HS3ST2: variants seen among roughly 807,000 people sequenced by gnomAD.
HS3ST2 encodes heparan sulfate glucosamine 3-O-sulfotransferase 2.
Under a neutral mutation model 26.3 loss-of-function variants are expected in HS3ST2, and 17 were observed. The observed-to-expected ratio is 0.65, with a 90% CI of 0.44 to 0.97. The LOEUF (loss-of-function observed/expected upper bound fraction) is 0.97, where lower values mean the gene tolerates loss of function less well. Among genes scored for constraint, HS3ST2 ranks in the 50% least tolerant of loss-of-function variants. HS3ST2 has a pLI of 0.00. For synonymous variants in HS3ST2, 237 were observed against 219.2 expected, an observed-to-expected ratio of 1.08 and a Z score of -0.72; for missense variants, 402 against 501.2, an observed-to-expected ratio of 0.80 and a Z score of 1.89.
In HS3ST2 at chr16:22,814,769, T is replaced by C; in HGVS notation, c.159T>C (p.Pro53=). Residue 53 remains proline, a synonymous_variant, in exon 1 of 2, where the codon CCT becomes CCC. Transcript: ENST00000261374. ...DLGRSRLLGA[P]RCLRGPSAGG... The stretch of plus-strand genomic sequence containing the variant: ...GTCGGAGCCGCCTCCTCGGCGCGCC[T>C]CGCTGCCTCCGCGGCCCCAGCGCGG... The C allele has an allele frequency of 6.2e-7, 1 of 1,604,598 alleles. No homozygotes were observed. Among genetic ancestry groups the C allele is most frequent in the South Asian group, 1.1e-5 (1 of 89,776 alleles).
chr16:22,840,508 C>T (rs1901336596), intron 1 of HS3ST2, among the ~76,000 whole-genome samples: 1 of 151,940 alleles, frequency 6.6e-6, no homozygotes, highest in African/African-American at 2.4e-5. Context: ...TCAGCCTCCC[C>T]AGTAGTTGGG....
At chr16:22,884,242 C>A (rs1902030183) in intron 1 of HS3ST2, among the ~76,000 whole-genome samples, 1 of 152,034 alleles carries the variant, frequency 6.6e-6, no homozygotes, top group African/African-American at 2.4e-5. Context: ...CTCATTGAAT[C>A]CTTGTGACAA....
At chr16:22,852,237 C>G (rs908312265) in intron 1 of HS3ST2, among the ~76,000 whole-genome samples, 1 of 152,138 alleles carries the variant, frequency 6.6e-6, no homozygotes, top group African/African-American at 2.4e-5. Flanking sequence ...TGCTGAGGTT[C>G]AGAAACCCTG....
chr16:22,881,985 T>G (rs1901995403), intron 1 of HS3ST2, among the ~76,000 whole-genome samples: 1 of 152,264 alleles, frequency 6.6e-6, no homozygotes, highest in Non-Finnish European at 1.5e-5. Flanking sequence ...TAGCTGTTGA[T>G]GTTGTTTAAA....
chr16:22,827,851 G>A (rs564653632), intron 1 of HS3ST2, among the ~76,000 whole-genome samples: 2 of 151,122 alleles, frequency 1.3e-5, no homozygotes, highest in East Asian at 3.9e-4. Flanking sequence ...ATGAAACTAC[G>A]GGCATGAGGC....
intron 1 of HS3ST2, among the ~76,000 whole-genome samples, chr16:22,873,081 T>C (rs1276194248): frequency 6.6e-6 from 1 of 152,226 alleles, no homozygotes; most frequent in African/African-American, 2.4e-5. Context: ...AGTTGAGGAT[T>C]AAATTATTCA....
intron 1 of HS3ST2, among the ~76,000 whole-genome samples, chr16:22,847,909 A>AGAAGGAAGGAAGAAAAG (rs1901464402): frequency 1.3e-5 from 2 of 151,770 alleles, no homozygotes; most frequent in Non-Finnish European, 2.9e-5. Context: ...AGACAAAGCA[A>AGAAGGAAGGAAGAAAAG]GAAGGAAGGA....
Position 22,916,105 on chromosome 16 carries a change from G to A in HS3ST2, c.*543G>A. On this transcript the variant is annotated 3_prime_UTR_variant, in exon 2 of 2. Transcript: ENST00000261374. ...GCTGAAAGCACCTCCGGCCACTCCT[G>A]GGAGACAGACCCTTTGGTGATGAAA... 6.5e-6 allele frequency: 1 copy of A among 154,660 alleles called. No homozygotes were observed. Among genetic ancestry groups the A allele is most frequent in the South Asian group, 2.0e-4 (1 of 4,916 alleles). 9.6% of individuals were successfully genotyped at this position (154,660 alleles called of 1,614,324 possible).
chr16:22,908,657 C>T (rs1029417450), intron 1 of HS3ST2, among the ~76,000 whole-genome samples: 56 of 152,202 alleles, frequency 3.7e-4, no homozygotes, highest in African/African-American at 1.3e-3. Context: ...CTTATAAAGA[C>T]ACCACTTCCA....
chr16:22,862,570 C>A (rs1901695179), intron 1 of HS3ST2, among the ~76,000 whole-genome samples: 1 of 152,200 alleles, frequency 6.6e-6, no homozygotes, highest in African/African-American at 2.4e-5. Context: ...TGTGTGGGTT[C>A]TGTAGCTTCT....
intron 1 of HS3ST2, among the ~76,000 whole-genome samples, chr16:22,864,398 C>A (rs1901719616): frequency 6.6e-6 from 1 of 152,176 alleles, no homozygotes; most frequent in East Asian, 1.9e-4. Context: ...ACCTGGGAAC[C>A]AAGATGATAA....
chr16:22,847,258 G>A (rs190359030), intron 1 of HS3ST2, among the ~76,000 whole-genome samples: 209 of 152,116 alleles, frequency 1.4e-3, no homozygotes, highest in Middle Eastern at 6.8e-3. Context: ...TCCTGCATTC[G>A]TTTGCTAAGA....
At chr16:22,873,654 A>G (rs550609690) in intron 1 of HS3ST2, among the ~76,000 whole-genome samples, 2 of 152,338 alleles carry the variant, frequency 1.3e-5, no homozygotes, top group South Asian at 4.1e-4. Context: ...AACAAAATCC[A>G]TGTGTTTCAG....
At chr16:22,861,034 T>A (rs1247270136) in intron 1 of HS3ST2, among the ~76,000 whole-genome samples, 2 of 151,824 alleles carry the variant, frequency 1.3e-5, no homozygotes, top group African/African-American at 4.8e-5. Context: ...CCACCACACC[T>A]ATATAATTTT....
intron 1 of HS3ST2, among the ~76,000 whole-genome samples, chr16:22,907,659 T>A (rs543492024): frequency 6.6e-6 from 1 of 152,368 alleles, no homozygotes; most frequent in Non-Finnish European, 1.5e-5. Context: ...GAAAGAAATT[T>A]GCAAAAGCGG....
chr16:22,883,394 T>A (rs1314141339), intron 1 of HS3ST2, among the ~76,000 whole-genome samples: 1 of 152,210 alleles, frequency 6.6e-6, no homozygotes, highest in Non-Finnish European at 1.5e-5. Context: ...GTTGGATGAA[T>A]AGGAGATATT....
chr16:22,903,410 G>A (rs138260525), intron 1 of HS3ST2, among the ~76,000 whole-genome samples: 1 of 152,332 alleles, frequency 6.6e-6, no homozygotes, highest in African/African-American at 2.4e-5. Flanking sequence ...ATGACCACGT[G>A]TATGGCTGAT....
chr16:22,887,261 G>A (rs1163373387), intron 1 of HS3ST2, among the ~76,000 whole-genome samples: 1 of 152,162 alleles, frequency 6.6e-6, no homozygotes, highest in Admixed American at 6.5e-5. Flanking sequence ...TTGTTTGGGT[G>A]GCTTATACAT....
chr16:22,853,110 C>T (rs577964217), intron 1 of HS3ST2, among the ~76,000 whole-genome samples: 33 of 152,178 alleles, frequency 2.2e-4, no homozygotes, highest in Non-Finnish European at 4.0e-4. Context: ...TAAATTTTTA[C>T]ATCTGCACAC....
Sources: gnomAD v4.1 joint callset for allele counts (sites outside exome capture counted in the v4.1 genomes callset) on GRCh38, gnomAD v4.1.1 for gene constraint, MANE v1.5 for transcripts, NCBI Gene and HGNC (gene_info 2026-07-23, HGNC 2026-07-21) for gene names.